Variants in STK3 observed in about 807,000 individuals in gnomAD.
The protein encoded by STK3 is serine/threonine-protein kinase 3.
A neutral mutation model predicts 58.0 loss-of-function variants in STK3; 41 were observed. That is an observed-to-expected ratio of 0.71 (90% confidence interval 0.55 to 0.92). The LOEUF (loss-of-function observed/expected upper bound fraction) is 0.92. Among genes scored for constraint, STK3 ranks in the 40% least tolerant of loss-of-function variants. The pLI is 0.00. For synonymous variants in STK3, 170 were observed against 191.0 expected (o/e 0.89, Z 0.91); for missense variants, 479 against 602.7 (o/e 0.79, Z 2.15).
intron 10 of STK3, among the ~76,000 whole-genome samples, chr8:98,504,588 G>A (rs1823899826): frequency 6.6e-6 from 1 of 152,176 alleles, no homozygotes; most frequent in Non-Finnish European, 1.5e-5. Flanking sequence ...AGGCCTGGTG[G>A]TGACAAAATC....
At chr8:98,486,994 G>A (rs537063127) in intron 10 of STK3, among the ~76,000 whole-genome samples, 1 of 152,254 alleles carries the variant, frequency 6.6e-6, no homozygotes, top group South Asian at 2.1e-4. Context: ...TCTTTCTCGA[G>A]AAAGTGAGAT....
At chr8:98,847,049 C>T (rs868780064) in intron 3 of STK3, among the ~76,000 whole-genome samples, 5 of 152,280 alleles carry the variant, frequency 3.3e-5, no homozygotes, top group Middle Eastern at 3.4e-3. Context: ...TATGACTCTT[C>T]ATTTAATAAC....
chr8:98,722,930 C>A, intron 4 of STK3: 1 of 495,168 alleles, frequency 2.0e-6, no homozygotes, highest in Non-Finnish European at 4.0e-6. Flanking sequence ...ATTCTCAAAT[C>A]ACAGCTAGCA....
chr8:98,522,450 C>T (rs1349896283), intron 10 of STK3, among the ~76,000 whole-genome samples: 2 of 152,062 alleles, frequency 1.3e-5, no homozygotes, highest in Non-Finnish European at 2.9e-5. Flanking sequence ...ATTTCCATAT[C>T]TTATGAATTA....
chr8:98,634,537 A>C (rs1378801035), intron 6 of STK3, among the ~76,000 whole-genome samples: 1 of 151,992 alleles, frequency 6.6e-6, no homozygotes, highest in African/African-American at 2.4e-5. Context: ...GATTGGACAG[A>C]GGGAGGATAC....
In STK3 at chr8:98,428,987, C is replaced by G. The variant is rs750393740; in HGVS notation, n.483+5140G>C. 5.6e-6 allele frequency: 9 copies of G among 1,614,058 alleles called. No individual in the cohort carries two copies. The African/African-American group carries it at 1.2e-4, about 22-fold the overall frequency. On this transcript the variant is annotated intron_variant and non_coding_transcript_variant, in intron 3 of 3. Transcript: ENST00000517832. The surrounding 1 kb of genome is among the most constrained non-coding windows in gnomAD (Gnocchi z 6.7). The stretch of plus-strand genomic sequence containing the variant: ...AAGTAGGGCTGCTCTTGCTCTACCT[C>G]TCCGTGGGGATTTCCATCTTCTCCG...
At chr8:98,790,259 A>T (rs935940673) in intron 1 of STK3, among the ~76,000 whole-genome samples, 12 of 152,222 alleles carry the variant, frequency 7.9e-5, no homozygotes, top group African/African-American at 2.9e-4. Context: ...TGATTAACAT[A>T]TAAGTTAAAA....
At chr8:98,715,220 G>C (rs1363402564) in intron 4 of STK3, among the ~76,000 whole-genome samples, 1 of 152,160 alleles carries the variant, frequency 6.6e-6, no homozygotes, top group Non-Finnish European at 1.5e-5. Flanking sequence ...ACATAGGCAT[G>C]GGTAAGGACT....
At chr8:98,791,130 T>C (rs976819693) in intron 1 of STK3, among the ~76,000 whole-genome samples, 1 of 152,112 alleles carries the variant, frequency 6.6e-6, no homozygotes, top group African/African-American at 2.4e-5. Context: ...AGTTTCCAGA[T>C]ACAACATTAA....
chr8:98,507,689 T>C (rs1824201712), intron 10 of STK3, among the ~76,000 whole-genome samples: 1 of 152,206 alleles, frequency 6.6e-6, no homozygotes, highest in East Asian at 1.9e-4. Flanking sequence ...TCTTCTTATG[T>C]TCTGGCCCTC....
chr8:98,536,428 T>G (rs1237276306), intron 9 of STK3, among the ~76,000 whole-genome samples: 1 of 152,042 alleles, frequency 6.6e-6, no homozygotes, highest in East Asian at 1.9e-4. Context: ...AACACCATAT[T>G]CCAGTCTAGA....
intron 1 of STK3, among the ~76,000 whole-genome samples, chr8:98,891,453 T>G (rs1838195228): frequency 6.6e-6 from 1 of 152,234 alleles, no homozygotes; most frequent in African/African-American, 2.4e-5. Context: ...TTAATGATAA[T>G]TCATGATTTC....
At chr8:98,610,049 A>C (rs1817071544) in intron 6 of STK3, among the ~76,000 whole-genome samples, 1 of 152,158 alleles carries the variant, frequency 6.6e-6, no homozygotes, top group South Asian at 2.1e-4. Flanking sequence ...AAGCATGATA[A>C]AATTAAGAAT....
intron 8 of STK3, among the ~76,000 whole-genome samples, chr8:98,554,054 G>T (rs1485189931): frequency 1.3e-5 from 2 of 152,012 alleles, no homozygotes; most frequent in African/African-American, 2.4e-5. Flanking sequence ...TTTGTCCAAG[G>T]TCATACAACA....
chr8:98,848,104 A>G (rs1587743439), intron 3 of STK3, among the ~76,000 whole-genome samples: 1 of 152,194 alleles, frequency 6.6e-6, no homozygotes, highest in East Asian at 1.9e-4. Context: ...TGTAAAGTTC[A>G]ATGACTTTTT....
chr8:98,500,400 A>G (rs1019227355), intron 10 of STK3, among the ~76,000 whole-genome samples: 7 of 152,136 alleles, frequency 4.6e-5, no homozygotes, highest in African/African-American at 1.7e-4. Context: ...TCTAGGGTAC[A>G]TGTGCACAAC....
intron 10 of STK3, among the ~76,000 whole-genome samples, chr8:98,488,673 T>C (rs1447841413): frequency 6.6e-6 from 1 of 152,110 alleles, no homozygotes; most frequent in Non-Finnish European, 1.5e-5. Flanking sequence ...ATACTAAAGG[T>C]AGATACGTAG....
intron 1 of STK3, among the ~76,000 whole-genome samples, chr8:98,818,655 T>C (rs1834701180): frequency 6.6e-6 from 1 of 152,002 alleles, no homozygotes; most frequent in Non-Finnish European, 1.5e-5. Flanking sequence ...ATCTATAAAC[T>C]AATTCAGAAC....
chr8:98,915,319 G>A lies in STK3; in HGVS notation c.-79+27059C>T, dbSNP rs569523224. Among the ~76,000 whole-genome samples, 7 of 151,234 alleles carry A rather than the reference G, an allele frequency of 4.6e-5. No homozygotes were observed. The South Asian group carries it at 1.3e-3, about 27-fold the overall frequency. ...TGGATGCTTCCTGCCCTCGAACATC[G>A]GACTCCAAGTTCTTCAGTTTTGGGA... On this transcript the variant is annotated intron_variant, in intron 1 of 1. Coordinates refer to the STK3 transcript ENST00000519420.
Sources: allele counts gnomAD v4.1 joint callset (sites outside exome capture counted in the v4.1 genomes callset), GRCh38; gene constraint gnomAD v4.1.1; non-coding constraint Gnocchi (gnomAD v3.1); transcripts MANE v1.5; gene names NCBI Gene and HGNC (gene_info 2026-07-23, HGNC 2026-07-21).